UBTD2: variants seen among roughly 807,000 people sequenced by gnomAD.
The protein encoded by UBTD2 is ubiquitin domain containing 2, also known as ubiquitin domain-containing protein 2.
A neutral mutation model predicts 19.8 loss-of-function variants in UBTD2; 9 were observed. That is an observed-to-expected ratio of 0.46 (90% CI 0.27 to 0.79). UBTD2 has a LOEUF of 0.79. Ranked by LOEUF, UBTD2 falls within the 30% of genes least tolerant of loss-of-function variation. The pLI is 0.14. For synonymous variants in UBTD2, 98 were observed against 103.9 expected (o/e 0.94, Z 0.35); for missense variants, 250 against 300.4 (o/e 0.83, Z 1.24).
At chr5:172,233,616 CTCTCT>C (rs1364283856) in intron 2 of UBTD2, among the ~76,000 whole-genome samples, 2 of 152,138 alleles carry the variant, frequency 1.3e-5, no homozygotes, top group Admixed American at 6.5e-5. Flanking sequence ...ACATGCGGGA[CTCTCT>C]TCTAAGTTTG....
At chr5:172,274,752 T>A (rs1278468500) in intron 1 of UBTD2, among the ~76,000 whole-genome samples, 3 of 152,150 alleles carry the variant, frequency 2.0e-5, no homozygotes, top group African/African-American at 7.2e-5. Context: ...TATAAAGAAC[T>A]GCCTGAGGCC....
At chr5:172,277,077 A>G in intron 1 of UBTD2, among the ~76,000 whole-genome samples, 1 of 129,220 alleles carries the variant, frequency 7.7e-6, no homozygotes, top group African/African-American at 2.7e-5. Flanking sequence ...CAAAAAAAAA[A>G]AAAAAAAAAA....
intron 1 of UBTD2, among the ~76,000 whole-genome samples, chr5:172,277,118 G>A (rs889221270): frequency 2.8e-4 from 38 of 137,990 alleles, no homozygotes; most frequent in African/African-American, 3.2e-4. Flanking sequence ...AAAAGAAGAC[G>A]AAGTACATTT....
At chr5:172,265,150 C>G (rs762607057) in intron 1 of UBTD2, among the ~76,000 whole-genome samples, 15 of 152,150 alleles carry the variant, frequency 9.9e-5, no homozygotes, top group Non-Finnish European at 1.8e-4. Context: ...TACACAAACA[C>G]AAAATAAGTA....
chr5:172,220,595 G>A (rs565397891), intron 2 of UBTD2, among the ~76,000 whole-genome samples: 49 of 152,148 alleles, frequency 3.2e-4, no homozygotes, highest in Non-Finnish European at 5.6e-4. Context: ...AGATTGGAGT[G>A]AGCCTGGGCA....
chr5:172,240,635 C>T (rs1443753610), intron 1 of UBTD2, among the ~76,000 whole-genome samples: 4 of 151,046 alleles, frequency 2.6e-5, no homozygotes. Context: ...TTTCCCCCCA[C>T]TTTTTTTTTA....
intron 1 of UBTD2, among the ~76,000 whole-genome samples, chr5:172,234,714 CT>C (rs1451990071): frequency 6.6e-6 from 1 of 152,036 alleles, no homozygotes; most frequent in Non-Finnish European, 1.5e-5. Flanking sequence ...CGAGACTAGC[CT>C]GGGCAACATG....
In UBTD2 at chr5:172,263,837, C is replaced by A. The variant is rs559987755; in HGVS notation, c.70+19759G>T. The stretch of plus-strand genomic sequence containing the variant: ...TAAGTAATAAATTCCCCCCAAGATA[C>A]AATGCACGTGCCTCTGTGTGTGTGT... On this transcript the variant is annotated intron_variant, in intron 1 of 2. Coordinates refer to ENST00000393792, the MANE Select transcript of UBTD2 (RefSeq NM_152277.3). 1.2e-4 allele frequency among the ~76,000 whole-genome samples: 12 copies of A among 100,128 alleles called. No homozygotes were observed. In the South Asian group the frequency reaches 3.6e-3, roughly 30 times the overall value. 65.7% of individuals were successfully genotyped at this position (100,128 alleles called of 152,430 possible).
At chr5:172,241,509 G>C (rs1772126629) in intron 1 of UBTD2, among the ~76,000 whole-genome samples, 1 of 150,252 alleles carries the variant, frequency 6.7e-6, no homozygotes, top group Non-Finnish European at 1.5e-5. Context: ...AAAACAACTA[G>C]AAATTTAAGG....
At chr5:172,276,231 C>T (rs1378892493) in intron 1 of UBTD2, among the ~76,000 whole-genome samples, 1 of 147,644 alleles carries the variant, frequency 6.8e-6, no homozygotes, top group African/African-American at 2.6e-5. Context: ...GTTGTAATCC[C>T]AGTAACTAGT....
At chr5:172,224,209 C>T (rs777910588) in intron 2 of UBTD2, among the ~76,000 whole-genome samples, 3 of 151,898 alleles carry the variant, frequency 2.0e-5, no homozygotes, top group Non-Finnish European at 4.4e-5. Context: ...AGGGAGAGGC[C>T]TGGTGGGAGG....
intron 1 of UBTD2, chr5:172,254,454 T>C: frequency 2.1e-6 from 1 of 486,712 alleles, no homozygotes; most frequent in Non-Finnish European, 3.8e-6. Context: ...GTCCGGACAC[T>C]GTAAAGGTTT....
At chr5:172,218,470 G>GA (rs887290358) in intron 2 of UBTD2, among the ~76,000 whole-genome samples, 7 of 151,970 alleles carry the variant, frequency 4.6e-5, no homozygotes, top group African/African-American at 7.2e-5. Flanking sequence ...CAATGAAATG[G>GA]AAAAAATCAA....
chr5:172,242,482 C>T, intron 1 of UBTD2: 3 of 937,556 alleles, frequency 3.2e-6, no homozygotes, highest in Non-Finnish European at 3.8e-6. Flanking sequence ...GGATATACGG[C>T]AATGTGTGAA....
At chr5:172,236,639 C>A (rs1416443177) in intron 1 of UBTD2, among the ~76,000 whole-genome samples, 2 of 152,114 alleles carry the variant, frequency 1.3e-5, no homozygotes, top group Non-Finnish European at 2.9e-5. Flanking sequence ...GCTTACTGAC[C>A]AGGAAGTGGA....
At chr5:172,245,093 A>T (rs1370090030) in intron 1 of UBTD2, among the ~76,000 whole-genome samples, 1 of 152,186 alleles carries the variant, frequency 6.6e-6, no homozygotes, top group Non-Finnish European at 1.5e-5. Context: ...AACACTCAAT[A>T]AGAAAAGCTA....
intron 1 of UBTD2, among the ~76,000 whole-genome samples, chr5:172,255,683 C>T (rs1279066584): frequency 1.3e-5 from 2 of 152,168 alleles, no homozygotes; most frequent in African/African-American, 4.8e-5. Flanking sequence ...CAACTCCAGG[C>T]AGTCACATGA....
chr5:172,262,467 A>AT (rs1195967149), intron 1 of UBTD2, among the ~76,000 whole-genome samples: 1 of 150,728 alleles, frequency 6.6e-6, no homozygotes, highest in South Asian at 2.1e-4. Context: ...AAAAAAAAAA[A>AT]ACAAGAAAAT....
At chr5:172,277,479 G>T (rs1401125033) in intron 1 of UBTD2, among the ~76,000 whole-genome samples, 1 of 152,040 alleles carries the variant, frequency 6.6e-6, no homozygotes, top group South Asian at 2.1e-4. Flanking sequence ...GGTCAAGGAG[G>T]GAGGATCACT....
Sources: gnomAD v4.1 joint callset for allele counts (sites outside exome capture counted in the v4.1 genomes callset) on GRCh38, gnomAD v4.1.1 for gene constraint, MANE v1.5 for transcripts, NCBI Gene and HGNC (gene_info 2026-07-23, HGNC 2026-07-21) for gene names.